SOX5: variants seen among roughly 807,000 people sequenced by gnomAD.
The protein encoded by SOX5 is SRY-box transcription factor 5, also known as transcription factor SOX-5.
SOX5 carries 9 observed loss-of-function variants against 92.0 expected under a neutral mutation model. That is an observed-to-expected ratio of 0.10 (90% CI 0.06 to 0.17). SOX5 has a LOEUF of 0.17. Among genes scored for constraint, SOX5 ranks in the 10% least tolerant of loss-of-function variants. SOX5 has a pLI of 1.00. For synonymous variants in SOX5, 344 were observed against 336.3 expected (o/e 1.02, Z -0.25); for missense variants, 642 against 944.5 (o/e 0.68, Z 4.20).
At chr12:24,291,635 C>A (rs1946632242) in intron 2 of SOX5, among the ~76,000 whole-genome samples, 1 of 152,180 alleles carries the variant, frequency 6.6e-6, no homozygotes, top group Non-Finnish European at 1.5e-5. Flanking sequence ...GATTTGAGTA[C>A]AGTTGTAACA....
intron 4 of SOX5, among the ~76,000 whole-genome samples, chr12:24,056,733 T>C (rs1246424350): frequency 6.6e-6 from 1 of 151,714 alleles, no homozygotes; most frequent in Non-Finnish European, 1.5e-5. Flanking sequence ...CCCAGCACTT[T>C]GGGAGGCCGA....
At chr12:23,857,889 C>T (rs1474136443) in intron 2 of SOX5, among the ~76,000 whole-genome samples, 3 of 152,014 alleles carry the variant, frequency 2.0e-5, no homozygotes, top group Admixed American at 2.0e-4. Context: ...CCTGCCACCA[C>T]ACTTGGCTAA....
intron 5 of SOX5, among the ~76,000 whole-genome samples, chr12:23,740,600 G>A (rs886448859): frequency 3.9e-4 from 59 of 152,060 alleles, no homozygotes; most frequent in Non-Finnish European, 7.7e-4. Context: ...TTCTTTTTTG[G>A]TATTTTTCTC....
At chr12:23,762,380 G>A in intron 3 of SOX5, 1 of 367,194 alleles carries the variant, frequency 2.7e-6, no homozygotes, top group Non-Finnish European at 4.9e-6. Context: ...CCACACTCCT[G>A]CCTGGGCAAT....
intron 1 of SOX5, among the ~76,000 whole-genome samples, chr12:23,912,453 G>C (rs1231211983): frequency 2.0e-5 from 3 of 152,128 alleles, no homozygotes; most frequent in Admixed American, 1.3e-4. Flanking sequence ...TTTCTAAAGA[G>C]TTACCATATG....
chr12:24,464,028 T>C (rs1233733989), intron 1 of SOX5, among the ~76,000 whole-genome samples: 1 of 152,174 alleles, frequency 6.6e-6, no homozygotes, highest in African/African-American at 2.4e-5. Context: ...CGCTGACAAA[T>C]AGGGGTTACC....
chr12:24,500,439 G>C (rs776465011), intron 1 of SOX5, among the ~76,000 whole-genome samples: 1 of 151,998 alleles, frequency 6.6e-6, no homozygotes. Context: ...CTTTTTAAAC[G>C]ACATGATGAT....
chr12:23,537,252 CTG>C (rs1422209384), intron 13 of SOX5, among the ~76,000 whole-genome samples: 8 of 152,068 alleles, frequency 5.3e-5, no homozygotes, highest in Non-Finnish European at 7.4e-5. Context: ...GTGCCAGACA[CTG>C]TGCTGAAACC....
At chr12:24,043,377 T>C (rs544228703) in intron 4 of SOX5, among the ~76,000 whole-genome samples, 2 of 152,352 alleles carry the variant, frequency 1.3e-5, no homozygotes, top group Admixed American at 6.5e-5. Context: ...AATTTCCCTT[T>C]TGTGTTCAAC....
At chr12:23,643,161 G>A (rs899174940) in intron 7 of SOX5, among the ~76,000 whole-genome samples, 1 of 151,678 alleles carries the variant, frequency 6.6e-6, no homozygotes. Flanking sequence ...GTGAGGCAGG[G>A]ACTCCAGAGA....
At chr12:24,079,198 A>G (rs954521616) in intron 4 of SOX5, among the ~76,000 whole-genome samples, 1 of 151,888 alleles carries the variant, frequency 6.6e-6, no homozygotes, top group Non-Finnish European at 1.5e-5. Context: ...AAAATTAAAA[A>G]AAAAAAACCA....
chr12:23,763,798 T>C (rs1349686586), intron 3 of SOX5, among the ~76,000 whole-genome samples: 2 of 152,164 alleles, frequency 1.3e-5, no homozygotes, highest in South Asian at 2.1e-4. Flanking sequence ...TTTCCCAGGG[T>C]CATTCAACCA....
chr12:24,367,926 A>G (rs930766406), intron 2 of SOX5: 1 of 152,164 alleles, frequency 6.6e-6, no homozygotes, highest in Non-Finnish European at 1.5e-5. Context: ...GTTTTTGTTT[A>G]TATTTACTGC....
intron 11 of SOX5, among the ~76,000 whole-genome samples, chr12:23,557,117 A>C (rs999933380): frequency 3.3e-5 from 5 of 152,188 alleles, no homozygotes; most frequent in Non-Finnish European, 7.3e-5. Flanking sequence ...CAATGGCAGG[A>C]AAGAGGTGGT....
At chr12:23,733,515 C>T (rs1315601223) in intron 6 of SOX5, among the ~76,000 whole-genome samples, 1 of 152,072 alleles carries the variant, frequency 6.6e-6, no homozygotes, top group African/African-American at 2.4e-5. Flanking sequence ...TCGGCTGGAA[C>T]ATCTCACTGA....
At chr12:24,068,901 C>T (rs1306319841) in intron 4 of SOX5, among the ~76,000 whole-genome samples, 1 of 150,918 alleles carries the variant, frequency 6.6e-6, no homozygotes, top group Non-Finnish European at 1.5e-5. Flanking sequence ...CTTGTCCTGT[C>T]ACCCAGAGTT....
At chr12:24,008,640 G>A (rs1952587535) in intron 4 of SOX5, among the ~76,000 whole-genome samples, 1 of 151,988 alleles carries the variant, frequency 6.6e-6, no homozygotes, top group South Asian at 2.1e-4. Flanking sequence ...GACTCTTTTG[G>A]AAAATATATC....
rs773766406 is a variant in SOX5, at chr12:23,531,905, GTGTGTGTATA to G, written c.*2304_*2313del. The G allele has an allele frequency of 3.3e-5, 5 of 150,396 alleles. No individual in the cohort carries two copies. The highest frequency in any genetic ancestry group is 4.2e-4 in the South Asian group (2 of 4,802). The allele number at this position is 150,396 out of a possible 1,614,324, so 9.3% of individuals were successfully genotyped here. A position where few individuals can be genotyped will look rare whatever the true frequency, so the allele number is the denominator to read the frequency against. ...TAAAATTGTGGGTAAATGTGTGTGT[GTGTGTGTATA>G]TGTGTGTATATATATGTATATATAT... On this transcript the variant is annotated 3_prime_UTR_variant, in exon 15 of 15. Transcript: ENST00000451604.
intron 3 of SOX5, among the ~76,000 whole-genome samples, chr12:23,805,492 G>A (rs1203494744): frequency 6.6e-6 from 1 of 151,814 alleles, no homozygotes; most frequent in African/African-American, 2.4e-5. Flanking sequence ...GCATCACTAA[G>A]GTTAGTACAA....
Sources: allele counts gnomAD v4.1 joint callset (sites outside exome capture counted in the v4.1 genomes callset), GRCh38; gene constraint gnomAD v4.1.1; transcripts MANE v1.5; gene names NCBI Gene and HGNC (gene_info 2026-07-23, HGNC 2026-07-21).